VSTM2A: variants seen among roughly 807,000 people sequenced by gnomAD.
VSTM2A encodes the protein V-set and transmembrane domain containing 2A.
VSTM2A carries 13 observed loss-of-function variants against 27.3 expected under a neutral mutation model. That is an observed-to-expected ratio of 0.48 (90% CI 0.31 to 0.76). The LOEUF (loss-of-function observed/expected upper bound fraction) is 0.76, where lower values mean the gene tolerates loss of function less well. VSTM2A is among the 30% of genes least tolerant of loss of function. The probability of loss-of-function intolerance (pLI) is 0.05; values close to 1 mark genes in which losing one functional copy is unlikely to be tolerated. For synonymous variants in VSTM2A, 142 were observed against 125.7 expected (o/e 1.13, Z -0.87); for missense variants, 280 against 310.0 (o/e 0.90, Z 0.73).
chr7:54,544,539 G>C (rs1417251530), intron 1 of VSTM2A, 83 bp from the exon 2 acceptor site: 4 of 1,572,746 alleles, frequency 2.5e-6, no homozygotes, highest in Non-Finnish European at 3.5e-6. Flanking sequence ...TTAAGTCCAG[G>C]AAAAATGTAG....
At chr7:54,566,446 C>G (rs1356297236) in intron 4 of VSTM2A, among the ~76,000 whole-genome samples, 6 of 152,046 alleles carry the variant, frequency 3.9e-5, no homozygotes, top group Admixed American at 3.9e-4. Context: ...CAATGTAGGC[C>G]TGGTAAAGAA....
Position 54,569,774 on chromosome 7 carries a change from C to CTA in VSTM2A, c.*559_*560dup, listed in dbSNP as rs1316213391. ...TTTATAGAACTACATTTTGAGTGTT[C>CTA]TATATTTCAGTGTATTTTAATTCAT... On this transcript the variant is annotated 3_prime_UTR_variant, in exon 5 of 5. Coordinates refer to ENST00000402613, the MANE Select transcript of VSTM2A (RefSeq NM_001301009.2). 3 of 152,762 alleles carry CTA rather than the reference C, an allele frequency of 2.0e-5. No individual in the cohort carries two copies. Among genetic ancestry groups the CTA allele is most frequent in the African/African-American group, 4.8e-5 (2 of 41,372 alleles). The allele number at this position is 152,762 out of a possible 1,614,324, so 9.5% of individuals were successfully genotyped here. A position where few individuals can be genotyped will look rare whatever the true frequency, so the allele number is the denominator to read the frequency against.
chr7:54,557,758 G>C (rs1026219878), intron 4 of VSTM2A: 1 of 152,154 alleles, frequency 6.6e-6, no homozygotes, highest in Non-Finnish European at 1.5e-5. Context: ...ACTAGTTGCT[G>C]TAATAATATG....
intron 4 of VSTM2A, among the ~76,000 whole-genome samples, chr7:54,565,106 A>C (rs927812241): frequency 8.6e-6 from 1 of 115,886 alleles, no homozygotes; most frequent in African/African-American, 2.9e-5. Flanking sequence ...TCAATTTAAC[A>C]AATGTGGGGT....
intron 2 of VSTM2A, among the ~76,000 whole-genome samples, chr7:54,546,462 C>A (rs960197026): frequency 1.3e-5 from 2 of 151,552 alleles, no homozygotes; most frequent in Non-Finnish European, 2.9e-5. Flanking sequence ...GGATGGTGGC[C>A]GGAACAAAGG....
intron 4 of VSTM2A, among the ~76,000 whole-genome samples, chr7:54,568,385 A>G (rs1377652777): frequency 6.6e-6 from 1 of 152,318 alleles, no homozygotes; most frequent in East Asian, 1.9e-4. Context: ...AAGTTATTCA[A>G]TATGTCATTT....
chr7:54,543,539 A>G (rs1787852099), intron 1 of VSTM2A, among the ~76,000 whole-genome samples: 1 of 151,256 alleles, frequency 6.6e-6, no homozygotes, highest in South Asian at 2.1e-4. Flanking sequence ...TCATTTCACT[A>G]GAGATCATTT....
At chr7:54,562,515 T>C (rs1788593944) in intron 4 of VSTM2A, among the ~76,000 whole-genome samples, 1 of 152,202 alleles carries the variant, frequency 6.6e-6, no homozygotes, top group South Asian at 2.1e-4. Context: ...GATGAGCGAT[T>C]TCTCAGATAT....
At chr7:54,551,086 G>A (rs773950209) in intron 4 of VSTM2A, 1 of 151,546 alleles carries the variant, frequency 6.6e-6, no homozygotes, top group Non-Finnish European at 1.5e-5. Flanking sequence ...AAATTAAAAA[G>A]TCTGATTACT....
In VSTM2A at chr7:54,560,884, C is replaced by G. The variant is rs567597044; in HGVS notation, c.635-8247C>G. On this transcript the variant is annotated intron_variant, in intron 4 of 4. Coordinates refer to ENST00000402613, the MANE Select transcript of VSTM2A (RefSeq NM_001301009.2). ...TTTTAAAATGTAAAGGTATCAAGCA[C>G]TGTGCAGTGAAGGGCTCTGTTATGA... 2.0e-5 allele frequency among the ~76,000 whole-genome samples: 3 copies of G among 152,302 alleles called. No homozygotes were observed. In the East Asian group the frequency reaches 5.8e-4, roughly 29 times the overall value.
At chr7:54,556,669 A>G (rs910504274) in intron 4 of VSTM2A, among the ~76,000 whole-genome samples, 2 of 152,252 alleles carry the variant, frequency 1.3e-5, no homozygotes, top group African/African-American at 4.8e-5. Context: ...ACAAAAATAG[A>G]TATAAGGGAA....
chr7:54,545,839 G>A (rs574309095), intron 2 of VSTM2A, among the ~76,000 whole-genome samples: 157 of 129,180 alleles, frequency 1.2e-3, no homozygotes, highest in African/African-American at 4.6e-3. Flanking sequence ...GAAGGGGAGG[G>A]GGAAGGAAGA....
chr7:54,560,820 A>G (rs769489973), intron 4 of VSTM2A, among the ~76,000 whole-genome samples: 17 of 152,304 alleles, frequency 1.1e-4, no homozygotes, highest in Non-Finnish European at 2.2e-4. Flanking sequence ...ACAGACAAAC[A>G]TTTTAATGAA....
rs1584042104 is a variant in VSTM2A at position 54,545,038 on chromosome 7, G to C, written c.246+250G>C. On this transcript the variant is annotated intron_variant, in intron 2 of 4. Transcript: ENST00000402613. ...AACCGGGAAGCGCCTCCTCCTGTAA[G>C]TTCTGGTACTTAGGCAGATGCCCGC... is the stretch of plus-strand genomic sequence containing the variant. 3.3e-5 allele frequency among the ~76,000 whole-genome samples: 5 copies of C among 152,338 alleles called. No individual in the cohort carries two copies. The South Asian group carries it at 1.0e-3, about 32-fold the overall frequency.
rs1788142135 is a variant in VSTM2A, at chr7:54,550,181, C to T, written c.634+11C>T. ...AAAGTCCACAATCAGGTATGGAAAC[C>T]CATTTCGAGCCTTTTATTTTACCAC... On this transcript the variant is annotated intron_variant, in intron 4 of 4. Transcript: ENST00000402613. 1.3e-6 allele frequency: 2 copies of T among 1,580,186 alleles called. No homozygotes were observed.
intron 4 of VSTM2A, chr7:54,558,754 A>G (rs1788455999): frequency 6.6e-6 from 1 of 152,130 alleles, no homozygotes; most frequent in Non-Finnish European, 1.5e-5. Context: ...TAATAATGCC[A>G]AAAGGAGACA....
At chr7:54,545,456 AAGAGAAGGAGAG>A (rs1479608915) in intron 2 of VSTM2A, among the ~76,000 whole-genome samples, 1 of 138,904 alleles carries the variant, frequency 7.2e-6, no homozygotes, top group East Asian at 2.2e-4. Flanking sequence ...AAGAAGGTAG[AAGAGAAGGAGAG>A]AGGGAAGGGG....
At chr7:54,563,553 A>ACTCTTC (rs1397254200) in intron 4 of VSTM2A, among the ~76,000 whole-genome samples, 2 of 152,088 alleles carry the variant, frequency 1.3e-5, no homozygotes, top group Non-Finnish European at 2.9e-5. Flanking sequence ...GCATGCATCC[A>ACTCTTC]CTCTTCAGTA....
At chr7:54,555,105 C>A (rs1407125150) in intron 4 of VSTM2A, among the ~76,000 whole-genome samples, 1 of 152,194 alleles carries the variant, frequency 6.6e-6, no homozygotes, top group African/African-American at 2.4e-5. Context: ...TCTCTTCTGT[C>A]AGCTGCCACA....
Sources: allele counts gnomAD v4.1 joint callset (sites outside exome capture counted in the v4.1 genomes callset), GRCh38; gene constraint gnomAD v4.1.1; transcripts MANE v1.5; gene names NCBI Gene and HGNC (gene_info 2026-07-23, HGNC 2026-07-21).